PTPN12: variants seen among roughly 807,000 people sequenced by gnomAD.
The protein encoded by PTPN12 is tyrosine-protein phosphatase non-receptor type 12.
In PTPN12, 29 loss-of-function variants were observed where a neutral mutation model predicts 97.6. That is an observed-to-expected ratio of 0.30 (90% CI 0.22 to 0.41). The LOEUF (loss-of-function observed/expected upper bound fraction) is 0.41, where lower values mean the gene tolerates loss of function less well. Ranked by LOEUF, PTPN12 falls within the 10% of genes least tolerant of loss-of-function variation. The pLI is 1.00. For synonymous variants in PTPN12, 327 were observed against 300.4 expected, an observed-to-expected ratio of 1.09 and a Z score of -0.91; for missense variants, 819 against 926.0, an observed-to-expected ratio of 0.88 and a Z score of 1.50.
chr7:77,580,480 A>G (rs1472535358), intron 2 of PTPN12, among the ~76,000 whole-genome samples: 1 of 152,244 alleles, frequency 6.6e-6, no homozygotes, highest in Non-Finnish European at 1.5e-5. Flanking sequence ...ATATAACTAT[A>G]TGTGTAATAA....
intron 7 of PTPN12, among the ~76,000 whole-genome samples, chr7:77,599,479 G>C (rs2151358185): frequency 6.6e-6 from 1 of 152,146 alleles, no homozygotes; most frequent in Admixed American, 6.5e-5. Context: ...TTATAGAGAT[G>C]AAGTCTTGCC....
At position 77,626,787 on chromosome 7, in the gene PTPN12, C is replaced by T. The variant is rs776905930; in HGVS notation, c.1108C>T (p.Pro370Ser). Residue 370 changes from proline to serine, a missense_variant, in exon 13 of 18, where the codon CCC (proline) becomes TCC (serine). Pro to Ser is a moderately conservative substitution (Grantham distance 74, BLOSUM62 -1). Around this residue, in one of 5 missense-constraint regions of PTPN12, gnomAD observed 607 missense variants for 577.3 expected, o/e 1.05. Transcript: ENST00000248594. ...AGTGCCACCCATCTTGACACCTTCTCCCCCTTCAGCTTTTCCAACAGTCAC... is the reference window on the plus strand; with the variant it reads ...AGTGCCACCCATCTTGACACCTTCTTCCCCTTCAGCTTTTCCAACAGTCAC... ...HPVPPILTPS[P>S]PSAFPTVTTV... 11 of 1,613,838 alleles carry T rather than the reference C, an allele frequency of 6.8e-6. No individual in the cohort carries two copies. The highest frequency in any genetic ancestry group is 2.2e-5 in the East Asian group (1 of 44,898).
rs199909632 is a variant in PTPN12, at chr7:77,537,531, G to C, written c.-16G>C. On this transcript the variant is annotated 5_prime_UTR_variant, in exon 1 of 18. Transcript: ENST00000248594. Reference sequence around the variant, plus strand: ...GGCGGGGGGGCCAGCGACCGCAGCCGGGGGGACGCGGGAGGATGGAGCAAG... The same window carrying C: ...GGCGGGGGGGCCAGCGACCGCAGCCCGGGGGACGCGGGAGGATGGAGCAAG... The C allele has an allele frequency of 7.5e-5, 118 of 1,579,148 alleles. No homozygotes were observed. The African/African-American group carries it at 1.3e-3, about 17-fold the overall frequency.
intron 11 of PTPN12, among the ~76,000 whole-genome samples, chr7:77,611,835 G>A (rs1788578637): frequency 1.3e-5 from 2 of 152,162 alleles, no homozygotes; most frequent in African/African-American, 4.8e-5. Flanking sequence ...TGTTATTTTA[G>A]CCTTGTAACA....
intron 14 of PTPN12, among the ~76,000 whole-genome samples, chr7:77,634,020 T>G (rs987249269): frequency 6.6e-6 from 1 of 152,016 alleles, no homozygotes; most frequent in East Asian, 1.9e-4. Flanking sequence ...CAAAAAACTT[T>G]GTCTCAAAAA....
chr7:77,636,913 A>G (rs1789613087), intron 15 of PTPN12, 105 bp from the exon 16 acceptor site: 1 of 753,538 alleles, frequency 1.3e-6, no homozygotes, highest in Non-Finnish European at 2.1e-6. Flanking sequence ...GCTGAAAATG[A>G]TAGGCCTTGA....
intron 1 of PTPN12, chr7:77,545,877 T>A (rs544154410): frequency 6.6e-6 from 1 of 152,274 alleles, no homozygotes; most frequent in South Asian, 2.1e-4. Context: ...ATCTTGCTTA[T>A]CTGTGGTTGT....
chr7:77,622,068 C>T (rs150734335), intron 12 of PTPN12, among the ~76,000 whole-genome samples: 1 of 152,298 alleles, frequency 6.6e-6, no homozygotes, highest in African/African-American at 2.4e-5. Context: ...GAACCTCCCA[C>T]CCTAGACTCC....
At chr7:77,566,434 T>C (rs1399198502) in intron 1 of PTPN12, among the ~76,000 whole-genome samples, 1 of 152,094 alleles carries the variant, frequency 6.6e-6, no homozygotes, top group Non-Finnish European at 1.5e-5. Context: ...TAAAGACTTC[T>C]GGGGTAGGCT....
intron 8 of PTPN12, among the ~76,000 whole-genome samples, chr7:77,606,322 G>A (rs982922989): frequency 5.3e-5 from 8 of 152,014 alleles, no homozygotes; most frequent in African/African-American, 1.9e-4. Flanking sequence ...ATTTTCTGAT[G>A]TAGCATTAGA....
intron 2 of PTPN12, among the ~76,000 whole-genome samples, chr7:77,578,049 T>G (rs1787394790): frequency 6.6e-6 from 1 of 152,212 alleles, no homozygotes; most frequent in Non-Finnish European, 1.5e-5. Flanking sequence ...CCAGCCTGCA[T>G]GTAGCCAGCC....
chr7:77,627,554 A>C lies in PTPN12; in HGVS notation c.1875A>C (p.Ser625=), dbSNP rs749905848. Residue 625 remains serine (S), a synonymous_variant, in exon 13 of 18, where the codon TCA becomes TCC. Coordinates refer to ENST00000248594, the MANE Select transcript of PTPN12 (RefSeq NM_002835.4). Reference sequence around the variant, plus strand: ...TGACCCAGAATAAAACTAATATTTCAACAGCAAGTGCCACAGTTTCTGCTG... The same window carrying C: ...TGACCCAGAATAAAACTAATATTTCCACAGCAAGTGCCACAGTTTCTGCTG... ...GAVTQNKTNI[S]TASATVSAAT... is the part of the protein sequence containing the mutation. 6 of 1,614,012 alleles carry C rather than the reference A, an allele frequency of 3.7e-6. No individual in the cohort carries two copies. The Admixed American group carries it at 1.0e-4, about 27-fold the overall frequency.
intron 1 of PTPN12, among the ~76,000 whole-genome samples, chr7:77,566,343 G>T (rs538183577): frequency 6.6e-6 from 1 of 152,262 alleles, no homozygotes; most frequent in East Asian, 1.9e-4. Context: ...TTTAAATGTG[G>T]GAGTAAAATG....
intron 9 of PTPN12, among the ~76,000 whole-genome samples, chr7:77,607,816 C>T (rs1211736955): frequency 6.6e-6 from 1 of 150,448 alleles, no homozygotes; most frequent in Non-Finnish European, 1.5e-5. Context: ...TGCGATGGTG[C>T]GATCTCAGCT....
chr7:77,613,807 G>C (rs114496700), intron 11 of PTPN12, among the ~76,000 whole-genome samples: 2,378 of 151,778 alleles, frequency 0.016, 63 homozygotes, highest in African/African-American at 0.054. Context: ...CAAATCCTTG[G>C]ACTCAAGCAA....
chr7:77,574,696 G>C (rs967453416), intron 2 of PTPN12, among the ~76,000 whole-genome samples: 10 of 152,202 alleles, frequency 6.6e-5, no homozygotes. Context: ...GAGTGTCAGC[G>C]TTGAGAGACC....
intron 8 of PTPN12, among the ~76,000 whole-genome samples, chr7:77,604,587 G>T (rs994279143): frequency 2.0e-5 from 3 of 151,906 alleles, no homozygotes; most frequent in African/African-American, 7.3e-5. Flanking sequence ...AAGTACCATG[G>T]TTTTTCCTGT....
At chr7:77,559,034 T>C (rs529773517) in intron 1 of PTPN12, among the ~76,000 whole-genome samples, 1 of 152,194 alleles carries the variant, frequency 6.6e-6, no homozygotes, top group South Asian at 2.1e-4. Flanking sequence ...AAATAAAAAA[T>C]AATATGGTTT....
At chr7:77,625,472 GCTCTCTCT>G (rs775712037) in intron 12 of PTPN12, among the ~76,000 whole-genome samples, 541 of 33,518 alleles carry the variant, frequency 0.016, 12 homozygotes, top group South Asian at 0.049. Flanking sequence ...CAGGCTGCTC[GCTCTCTCT>G]CTCTCTCTCT....
Sources: gnomAD v4.1 joint callset for allele counts (sites outside exome capture counted in the v4.1 genomes callset) on GRCh38, gnomAD v4.1.1 for gene constraint, gnomAD v4.1.1 regional missense constraint, MANE v1.5 for transcripts, NCBI Gene and HGNC (gene_info 2026-07-23, HGNC 2026-07-21) for gene names.